The following NRP1 variants were observed in gnomAD, a reference collection of about 807,000 sequenced individuals.
The protein encoded by NRP1 is neuropilin-1.
Under a neutral mutation model 106.7 loss-of-function variants are expected in NRP1, and 35 were observed. The ratio of observed to expected loss-of-function variants is 0.33; its 90% confidence interval spans 0.25 to 0.43. The LOEUF is 0.43. Ranked by LOEUF, NRP1 falls within the 20% of genes least tolerant of loss-of-function variation. The pLI, the probability that NRP1 is intolerant of heterozygous loss-of-function variation, is 1.00. For synonymous variants in NRP1, 437 were observed against 417.9 expected (o/e 1.05, Z -0.56); for missense variants, 1,024 against 1,170.4 (o/e 0.87, Z 1.83).
At chr10:33,321,257 A>G (rs1331076099) in intron 2 of NRP1, among the ~76,000 whole-genome samples, 1 of 152,148 alleles carries the variant, frequency 6.6e-6, no homozygotes, top group Admixed American at 6.5e-5. Context: ...AAATGCTGGG[A>G]TTATAGGTGA....
At position 33,237,743 on chromosome 10, in the gene NRP1, A is replaced by G. The variant is rs192097456; in HGVS notation, c.982-11454T>C. Among the ~76,000 whole-genome samples, 507 of 151,662 alleles carry G rather than the reference A, an allele frequency of 3.3e-3. 4 individuals are homozygous for G. Among genetic ancestry groups the G allele is most frequent in the African/African-American group, 0.011 (447 of 41,358 alleles). On this transcript the variant is annotated intron_variant, in intron 6 of 16. Transcript: ENST00000374867. ...TGCCCAGCTAATTTTTGTATTTTTA[A>G]TGGAGATGGGGTTGTGTCCTGTTGG...
rs182021614 is a variant in NRP1, at chr10:33,287,100, A to G, written c.249-16244T>C. Among the ~76,000 whole-genome samples the G allele has an allele frequency of 2.6e-4, 40 of 152,298 alleles. No individual in the cohort carries two copies. In the East Asian group the frequency reaches 7.3e-3, roughly 28 times the overall value. ...CTTACTAAGGAATTCCTCCCTAATT[A>G]TTCACCAACGAACATACACTCAAAA... On this transcript the variant is annotated intron_variant, in intron 2 of 16. Transcript: ENST00000374867.
rs1262544191 is a variant in NRP1, at chr10:33,254,017, A to G, written c.981+11T>C. The G allele has an allele frequency of 1.3e-6, 2 of 1,596,164 alleles. No individual in the cohort carries two copies. The highest frequency in any genetic ancestry group is 4.5e-5 in the East Asian group (2 of 44,780). ...TTCAATCCTAGATAGGCTTGATCTTATGCTGCATACCTGTATCCACTCTCG... is the reference window on the plus strand; with the variant it reads ...TTCAATCCTAGATAGGCTTGATCTTGTGCTGCATACCTGTATCCACTCTCG... On this transcript the variant is annotated intron_variant, in intron 6 of 16. Transcript: ENST00000374867.
chr10:33,273,415 C>T (rs1746732402), intron 2 of NRP1, among the ~76,000 whole-genome samples: 2 of 152,210 alleles, frequency 1.3e-5, no homozygotes, highest in Admixed American at 1.3e-4. Flanking sequence ...AAGTTTCGCA[C>T]TGGCAAGCGT....
At chr10:33,283,704 C>T (rs1305843246) in intron 2 of NRP1, among the ~76,000 whole-genome samples, 3 of 152,094 alleles carry the variant, frequency 2.0e-5, no homozygotes, top group African/African-American at 7.2e-5. Flanking sequence ...TAGGAACAAA[C>T]TCATGGAGAG....
intron 6 of NRP1, among the ~76,000 whole-genome samples, chr10:33,242,988 T>A (rs979846728): frequency 3.3e-5 from 5 of 152,182 alleles, no homozygotes; most frequent in Non-Finnish European, 7.3e-5. Context: ...TTGGCAAGAC[T>A]TTAAGGTGTG....
At position 33,284,816 on chromosome 10, in the gene NRP1, C is replaced by A. The variant is rs559033238; in HGVS notation, c.249-13960G>T. 2.0e-5 allele frequency among the ~76,000 whole-genome samples: 3 copies of A among 152,168 alleles called. 1 individual carries two copies. In the South Asian group the frequency reaches 6.2e-4, roughly 32 times the overall value. On this transcript the variant is annotated intron_variant, in intron 2 of 16. Coordinates refer to ENST00000374867, the MANE Select transcript of NRP1 (RefSeq NM_003873.7). ...AATTAACTTGGTTAAACCCAACATA[C>A]GCCAATCTCATTGATCACATGACCC... is the stretch of plus-strand genomic sequence containing the variant.
chr10:33,269,381 A>G (rs1280992004), intron 3 of NRP1, among the ~76,000 whole-genome samples: 1 of 152,098 alleles, frequency 6.6e-6, no homozygotes, highest in African/African-American at 2.4e-5. Flanking sequence ...GCAGCCTCCA[A>G]CTCCTGGGCT....
chr10:33,190,328 T>C (rs1401242383), intron 13 of NRP1, among the ~76,000 whole-genome samples: 2 of 152,228 alleles, frequency 1.3e-5, no homozygotes, highest in African/African-American at 4.8e-5. Context: ...GCTAATTGCA[T>C]TTAGTTAATT....
chr10:33,312,096 T>A (rs1846645314), intron 2 of NRP1, among the ~76,000 whole-genome samples: 1 of 152,208 alleles, frequency 6.6e-6, no homozygotes, highest in Non-Finnish European at 1.5e-5. Context: ...AAAAGTGCAA[T>A]TAATATATTC....
intron 2 of NRP1, among the ~76,000 whole-genome samples, chr10:33,291,245 T>A (rs1201296528): frequency 6.6e-6 from 1 of 152,212 alleles, no homozygotes; most frequent in Admixed American, 6.5e-5. Context: ...ATTTGATGGT[T>A]TTTGTCAGCG....
intron 11 of NRP1, among the ~76,000 whole-genome samples, chr10:33,198,804 C>G (rs1836995036): frequency 6.6e-6 from 1 of 152,144 alleles, no homozygotes; most frequent in African/African-American, 2.4e-5. Flanking sequence ...TTACTTTTCT[C>G]AAGGACAAAT....
chr10:33,313,513 TA>T (rs921355059), intron 2 of NRP1, among the ~76,000 whole-genome samples: 33 of 149,010 alleles, frequency 2.2e-4, no homozygotes, highest in East Asian at 3.9e-4. Context: ...AATTAAAAGT[TA>T]AAAAAAAAAG....
At position 33,202,930 on chromosome 10, in the gene NRP1, T is replaced by C; in HGVS notation, c.1825A>G (p.Asn609Asp). The change falls in exon 11 of 17, where the codon AAC becomes GAC. Residue 609 changes from asparagine (N) to aspartate (D), a missense_variant. Physicochemically the swap from Asn to Asp is conservative, Grantham distance 23. Around this residue, in one of 5 missense-constraint regions of NRP1, gnomAD observed 562 missense variants for 620.3 expected, o/e 0.91. Coordinates refer to ENST00000374867, the MANE Select transcript of NRP1 (RefSeq NM_003873.7). ...TCATCACCTGTTCCACTGTGGCAGT[T>C]GGCCTGGTCGTCATCACATTCATCC... The part of the protein sequence containing the change: ...LVDECDDDQA[N>D]CHSGTGDDFQ... 6.2e-7 allele frequency: 1 copy of C among 1,614,238 alleles called. No homozygotes were observed. The highest frequency in any genetic ancestry group is 1.3e-5 in the African/African-American group (1 of 75,070).
chr10:33,280,396 C>A (rs1021713794), intron 2 of NRP1, among the ~76,000 whole-genome samples: 1 of 152,148 alleles, frequency 6.6e-6, no homozygotes, highest in Non-Finnish European at 1.5e-5. Context: ...AATTCACATG[C>A]CTTTAATTAC....
intron 1 of NRP1, among the ~76,000 whole-genome samples, chr10:33,331,114 C>A (rs926048563): frequency 6.6e-6 from 1 of 152,054 alleles, no homozygotes; most frequent in East Asian, 1.9e-4. Flanking sequence ...GAGGACTCTT[C>A]CCCCCAGCCC....
chr10:33,202,691 A>T (rs193213046), intron 11 of NRP1, 200 bp downstream of exon 11: 218 of 1,549,404 alleles, frequency 1.4e-4, no homozygotes, highest in Non-Finnish European at 1.7e-4. Context: ...TATTGTTACA[A>T]ATGGTTGTGG....
At chr10:33,193,233 G>A (rs1052877403) in intron 12 of NRP1, among the ~76,000 whole-genome samples, 3 of 151,988 alleles carry the variant, frequency 2.0e-5, no homozygotes, top group African/African-American at 7.3e-5. Context: ...TGCCCTACAA[G>A]GTGCTGTTGG....
chr10:33,270,338 T>C (rs1843215631), intron 3 of NRP1, among the ~76,000 whole-genome samples: 1 of 151,786 alleles, frequency 6.6e-6, no homozygotes, highest in Non-Finnish European at 1.5e-5. Context: ...ATTTTTTTTT[T>C]TTTTTTGAGA....
Sources: allele counts gnomAD v4.1 joint callset (sites outside exome capture counted in the v4.1 genomes callset), GRCh38; gene constraint gnomAD v4.1.1; regional missense constraint gnomAD v4.1.1; transcripts MANE v1.5; gene names NCBI Gene and HGNC (gene_info 2026-07-23, HGNC 2026-07-21).